Variants in TENM3 observed in about 807,000 individuals in gnomAD.
The protein encoded by TENM3 is teneurin transmembrane protein 3.
A neutral mutation model predicts 255.1 loss-of-function variants in TENM3; 63 were observed. The ratio of observed to expected loss-of-function variants is 0.25; its 90% CI spans 0.20 to 0.30. The LOEUF is 0.30. TENM3 is among the 10% of genes least tolerant of loss of function. The pLI, the probability that TENM3 is intolerant of heterozygous loss-of-function variation, is 1.00. For missense variants in TENM3, 2,929 were observed against 3,461.1 expected, an observed-to-expected ratio of 0.85 and a Z score of 3.86; for synonymous variants, 1,306 against 1,322.3, an observed-to-expected ratio of 0.99 and a Z score of 0.27.
the TENM3 span, among the ~76,000 whole-genome samples, chr4:181,771,905 C>T: frequency 1.1e-4 from 16 of 152,320 alleles, no homozygotes; most frequent in African/African-American, 3.8e-4. Context: ...TGCTCCTGTG[C>T]AAAACATCTG....
chr4:181,630,560 A>G, the TENM3 span, among the ~76,000 whole-genome samples: 1 of 152,170 alleles, frequency 6.6e-6, no homozygotes, highest in Non-Finnish European at 1.5e-5. Context: ...ATTGGTTTCA[A>G]AGAACATCTT....
the TENM3 span, among the ~76,000 whole-genome samples, chr4:181,829,386 A>G: frequency 6.6e-6 from 1 of 152,148 alleles, no homozygotes; most frequent in Non-Finnish European, 1.5e-5. Flanking sequence ...AGATATATTG[A>G]TGGGGCTAAA....
intron 4 of TENM3, among the ~76,000 whole-genome samples, chr4:182,607,372 G>A (rs962770587): frequency 3.3e-5 from 5 of 151,894 alleles, no homozygotes; most frequent in East Asian, 1.9e-4. Context: ...CACTCTTCCC[G>A]TCGCTTAACA....
At chr4:181,519,225 C>CA in the TENM3 span, among the ~76,000 whole-genome samples, 2 of 151,818 alleles carry the variant, frequency 1.3e-5, no homozygotes, top group Admixed American at 6.6e-5. Context: ...AAAGCTAAGG[C>CA]AAAAAAATAA....
the TENM3 span, among the ~76,000 whole-genome samples, chr4:181,991,790 G>A: frequency 9.2e-3 from 1,395 of 152,236 alleles, 23 homozygotes; most frequent in African/African-American, 0.032. Flanking sequence ...CCATGATACT[G>A]CAGTGGAAAG....
chr4:182,542,902 A>G (rs115737737), intron 3 of TENM3, among the ~76,000 whole-genome samples: 2,032 of 152,324 alleles, frequency 0.013, 24 homozygotes, highest in Middle Eastern at 0.031. Flanking sequence ...CCTCACAACA[A>G]TTCTCGTGGT....
the TENM3 span, among the ~76,000 whole-genome samples, chr4:181,481,432 C>T: frequency 0.11 from 16,303 of 152,026 alleles, 999 homozygotes; most frequent in East Asian, 0.19. Flanking sequence ...TTAAGTAATT[C>T]GTAATTTTCC....
chr4:182,255,055 A>C (rs1206936578), intron 1 of TENM3, among the ~76,000 whole-genome samples: 1 of 152,170 alleles, frequency 6.6e-6, no homozygotes. Flanking sequence ...AAAATATCTT[A>C]AATTTCAGTG....
At chr4:182,171,070 C>A (rs1245303011) in intron 1 of TENM3, among the ~76,000 whole-genome samples, 1 of 152,092 alleles carries the variant, frequency 6.6e-6, no homozygotes, top group Non-Finnish European at 1.5e-5. Context: ...TTGAAAAATA[C>A]CTTTAATTCA....
chr4:182,521,585 C>T (rs982888446), intron 3 of TENM3, among the ~76,000 whole-genome samples: 11 of 151,352 alleles, frequency 7.3e-5, no homozygotes, highest in Non-Finnish European at 1.3e-4. Context: ...ATGGGGGGGT[C>T]GCTAAGATAA....
the TENM3 span, among the ~76,000 whole-genome samples, chr4:181,776,803 T>A: frequency 6.6e-6 from 1 of 151,996 alleles, no homozygotes; most frequent in African/African-American, 2.4e-5. Context: ...TGCTGTTGAG[T>A]TTTTTTGTGC....
the TENM3 span, among the ~76,000 whole-genome samples, chr4:182,032,401 A>G: frequency 6.6e-6 from 1 of 152,154 alleles, no homozygotes. Flanking sequence ...GGATGAAGCC[A>G]ACTTGATCAT....
At chr4:181,480,761 A>G in the TENM3 span, among the ~76,000 whole-genome samples, 4 of 149,768 alleles carry the variant, frequency 2.7e-5, no homozygotes, top group African/African-American at 9.7e-5. Flanking sequence ...GAAACTATAT[A>G]TAGCTATATA....
At chr4:182,021,451 A>C in the TENM3 span, among the ~76,000 whole-genome samples, 2 of 151,942 alleles carry the variant, frequency 1.3e-5, no homozygotes, top group African/African-American at 4.8e-5. Flanking sequence ...CTTCACCTAA[A>C]TGCTTCTACT....
intron 1 of TENM3, among the ~76,000 whole-genome samples, chr4:182,248,615 C>T (rs567552931): frequency 6.6e-6 from 1 of 152,108 alleles, no homozygotes; most frequent in Non-Finnish European, 1.5e-5. Context: ...ATGGAACTGG[C>T]GGAGATTCAG....
At chr4:182,510,220 T>C (rs1291220578) in intron 3 of TENM3, among the ~76,000 whole-genome samples, 3 of 152,226 alleles carry the variant, frequency 2.0e-5, no homozygotes, top group African/African-American at 7.2e-5. Flanking sequence ...CTAGTTTACA[T>C]TGCTTTATCA....
chr4:181,490,073 G>A, the TENM3 span, among the ~76,000 whole-genome samples: 3 of 152,012 alleles, frequency 2.0e-5, no homozygotes, highest in Non-Finnish European at 2.9e-5. Flanking sequence ...CTATTTGTAG[G>A]GCACATGTGA....
At chr4:182,376,190 T>C (rs1382859322) in intron 3 of TENM3, among the ~76,000 whole-genome samples, 1 of 152,214 alleles carries the variant, frequency 6.6e-6, no homozygotes, top group Non-Finnish European at 1.5e-5. Context: ...TTGGAATCAA[T>C]ATTGTAGAAT....
At chr4:181,454,596 ATT>A in the TENM3 span, among the ~76,000 whole-genome samples, 760 of 131,522 alleles carry the variant, frequency 5.8e-3, 10 homozygotes, top group African/African-American at 0.02. Flanking sequence ...CAGACGTACA[ATT>A]TTTTTTTTTT....
Sources: gnomAD v4.1 joint callset for allele counts (sites outside exome capture counted in the v4.1 genomes callset) on GRCh38, gnomAD v4.1.1 for gene constraint, MANE v1.5 for transcripts, NCBI Gene and HGNC (gene_info 2026-07-23, HGNC 2026-07-21) for gene names.